Variants in LRBA observed in about 807,000 individuals in gnomAD.
LRBA encodes the protein LPS responsive beige-like anchor protein, also known as lipopolysaccharide-responsive and beige-like anchor protein.
A neutral mutation model predicts 330.0 loss-of-function variants in LRBA; 176 were observed. The ratio of observed to expected loss-of-function variants is 0.53; its 90% CI spans 0.47 to 0.60. LRBA has a LOEUF of 0.60. LRBA is among the 20% of genes least tolerant of loss of function. The pLI is 0.00. For missense variants in LRBA, 3,259 were observed against 3,444.8 expected (o/e 0.95, Z 1.35); for synonymous variants, 1,230 against 1,193.0 (o/e 1.03, Z -0.64).
intron 37 of LRBA, among the ~76,000 whole-genome samples, chr4:150,658,505 G>GTCTCCTCCCTCTCCCTCTCCC (rs1561481081): frequency 4.7e-5 from 1 of 21,100 alleles, no homozygotes. Flanking sequence ...GAAAATAAAA[G>GTCTCCTCCCTCTCCCTCTCCC]TCTCCCTCTC....
intron 38 of LRBA, among the ~76,000 whole-genome samples, chr4:150,597,535 T>C (rs1773642597): frequency 6.6e-6 from 1 of 151,908 alleles, no homozygotes; most frequent in African/African-American, 2.4e-5. Context: ...TACGAAAACA[T>C]ATTGCCATGT....
chr4:150,617,991 C>A (rs1211626169), intron 37 of LRBA, among the ~76,000 whole-genome samples: 2 of 152,030 alleles, frequency 1.3e-5, no homozygotes, highest in Admixed American at 6.6e-5. Context: ...GTAGTCCCAG[C>A]CACTCAGGAG....
intron 2 of LRBA, among the ~76,000 whole-genome samples, chr4:150,975,065 G>A (rs1561079858): frequency 6.6e-6 from 1 of 151,970 alleles, no homozygotes; most frequent in Non-Finnish European, 1.5e-5. Context: ...ACAAAATCAG[G>A]AATACAATCC....
intron 2 of LRBA, among the ~76,000 whole-genome samples, chr4:151,005,158 C>T (rs1743863316): frequency 6.6e-6 from 1 of 150,416 alleles, no homozygotes; most frequent in South Asian, 2.1e-4. Context: ...ATAAAACACC[C>T]TGTAATGGCC....
intron 30 of LRBA, among the ~76,000 whole-genome samples, chr4:150,826,318 G>A (rs1227842012): frequency 6.6e-6 from 1 of 152,152 alleles, no homozygotes; most frequent in Non-Finnish European, 1.5e-5. Context: ...AACCTATTTG[G>A]GATGGGGGGG....
rs138238756 is a variant in LRBA, at chr4:150,852,337, G to C, written c.3373C>G (p.Leu1125Val). The change falls in exon 23 of 57, where the codon CTA becomes GTA. Residue 1125 changes from leucine (L) to valine (V), a missense_variant. By Grantham distance (32) the Leu-to-Val change is conservative (BLOSUM62 1). Transcript: ENST00000651943. ...VEGSPTEEAN[L>V]PTELQDNSLS... The stretch of plus-strand genomic sequence containing the variant: ...CTGTTATCTTGGAGCTCTGTGGGTA[G>C]ATTAGCTTCCTCAGTAGGACTGCCT... The C allele has an allele frequency of 6.1e-5, 99 of 1,613,932 alleles. No homozygotes were observed. Among genetic ancestry groups the C allele is most frequent in the Non-Finnish European group, 7.9e-5 (93 of 1,179,992 alleles).
intron 50 of LRBA, among the ~76,000 whole-genome samples, chr4:150,317,264 T>C (rs2126907117): frequency 6.6e-6 from 1 of 152,276 alleles, no homozygotes; most frequent in East Asian, 1.9e-4. Flanking sequence ...TTTTAGGAAA[T>C]CTATCTGTCT....
intron 36 of LRBA, among the ~76,000 whole-genome samples, chr4:150,710,183 T>C (rs577154693): frequency 1.7e-4 from 26 of 152,226 alleles, no homozygotes; most frequent in African/African-American, 6.0e-4. Flanking sequence ...ACAAATGTTT[T>C]TGGAGGCAAA....
chr4:150,512,009 C>G (rs931831188), intron 40 of LRBA, among the ~76,000 whole-genome samples: 4 of 152,206 alleles, frequency 2.6e-5, no homozygotes, highest in African/African-American at 7.2e-5. Context: ...AGATACTAAA[C>G]AGTACTTATT....
intron 37 of LRBA, among the ~76,000 whole-genome samples, chr4:150,599,346 T>C (rs889898640): frequency 1.3e-5 from 2 of 152,200 alleles, no homozygotes; most frequent in African/African-American, 4.8e-5. Flanking sequence ...GAACTCCTTT[T>C]CCTTTTCTTG....
At chr4:150,273,500 T>A (rs918979302) in intron 56 of LRBA, among the ~76,000 whole-genome samples, 2 of 152,144 alleles carry the variant, frequency 1.3e-5, no homozygotes, top group African/African-American at 2.4e-5. Context: ...ATGCTCCAAT[T>A]AAAAGACACA....
At chr4:150,524,242 T>C (rs992346234) in intron 40 of LRBA, among the ~76,000 whole-genome samples, 5 of 152,198 alleles carry the variant, frequency 3.3e-5, no homozygotes, top group African/African-American at 1.2e-4. Flanking sequence ...TTTTTTCTTA[T>C]AGTTACATCA....
chr4:150,525,375 T>C (rs549630034), intron 40 of LRBA, among the ~76,000 whole-genome samples: 2 of 152,184 alleles, frequency 1.3e-5, no homozygotes, highest in South Asian at 4.2e-4. Flanking sequence ...TTGATAACCA[T>C]TTATCAGGGA....
chr4:150,449,614 A>G (rs1228974776), intron 44 of LRBA, among the ~76,000 whole-genome samples: 2 of 152,000 alleles, frequency 1.3e-5, no homozygotes, highest in African/African-American at 4.8e-5. Context: ...AAGAACAGTG[A>G]GAAAAAACAT....
At chr4:150,768,063 CAA>C (rs777328686) in intron 34 of LRBA, among the ~76,000 whole-genome samples, 16 of 58,020 alleles carry the variant, frequency 2.8e-4, no homozygotes, top group Non-Finnish European at 2.5e-4. Context: ...GACTCTGTCT[CAA>C]AAAAAAAAAA....
chr4:150,785,379 T>C (rs2126614875), intron 34 of LRBA, among the ~76,000 whole-genome samples: 1 of 152,360 alleles, frequency 6.6e-6, no homozygotes, highest in South Asian at 2.1e-4. Flanking sequence ...TTATGACCTC[T>C]GGAAAAATGT....
chr4:150,472,448 A>G (rs1272684213), intron 42 of LRBA, among the ~76,000 whole-genome samples: 2 of 152,148 alleles, frequency 1.3e-5, no homozygotes, highest in Non-Finnish European at 2.9e-5. Flanking sequence ...GGTTCACTGA[A>G]GTATAATTTT....
In LRBA at chr4:150,590,760, T is replaced by C. The variant is rs773469075; in HGVS notation, c.6146A>G (p.Asp2049Gly). The C allele has an allele frequency of 2.5e-6, 4 of 1,613,994 alleles. No individual in the cohort carries two copies. The African/African-American group carries it at 5.3e-5, about 22-fold the overall frequency. ...CTCATCCACGGATGACAGAGTATCA[T>C]CATCGCCTTCCAGGAGGATCTCGTT... ...SENEILLEGD[D>G]DTLSSVDEKD... Residue 2049 changes from aspartate (D) to glycine (G), a missense_variant, in exon 39 of 57, where the codon GAT becomes GGT. Physicochemically the swap from Asp to Gly is moderately conservative, Grantham distance 94. Coordinates refer to ENST00000651943, the MANE Select transcript of LRBA (RefSeq NM_001364905.1).
intron 53 of LRBA, among the ~76,000 whole-genome samples, chr4:150,290,250 C>T (rs1005102336): frequency 6.6e-5 from 10 of 152,146 alleles, no homozygotes; most frequent in African/African-American, 2.4e-4. Context: ...CCATATGTTA[C>T]TTTTCAAAGA....
Sources: gnomAD v4.1 joint callset for allele counts (sites outside exome capture counted in the v4.1 genomes callset) on GRCh38, gnomAD v4.1.1 for gene constraint, MANE v1.5 for transcripts, NCBI Gene and HGNC (gene_info 2026-07-23, HGNC 2026-07-21) for gene names.